C12orf54: variants seen among roughly 807,000 people sequenced by gnomAD.
C12orf54 encodes chromosome 12 open reading frame 54, also known as uncharacterized protein C12orf54.
C12orf54 carries 24 observed loss-of-function variants against 26.4 expected under a neutral mutation model. The ratio of observed to expected loss-of-function variants is 0.91; its 90% CI spans 0.66 to 1.28. The LOEUF (loss-of-function observed/expected upper bound fraction) is 1.28, where lower values mean the gene tolerates loss of function less well. Among genes scored for constraint, C12orf54 ranks in the 50% most tolerant of loss-of-function variants. The pLI is 0.00. For missense variants in C12orf54, 154 were observed against 150.9 expected (o/e 1.02, Z -0.11); for synonymous variants, 54 against 47.0 (o/e 1.15, Z -0.61).
At chr12:48,493,190 C>T (rs1291805705) in intron 7 of C12orf54, among the ~76,000 whole-genome samples, 195 bp downstream of exon 7, 3 of 152,222 alleles carry the variant, frequency 2.0e-5, no homozygotes, top group Non-Finnish European at 2.9e-5. Context: ...CCTCCATCCT[C>T]AGCCCCATTA....
At chr12:48,453,975 T>C in the C12orf54 span, among the ~76,000 whole-genome samples, 1 of 152,152 alleles carries the variant, frequency 6.6e-6, no homozygotes, top group African/African-American at 2.4e-5. Flanking sequence ...TCTGTAACTT[T>C]GGAGCATCAG....
At chr12:48,442,533 A>G in the C12orf54 span, 1 of 158,016 alleles carries the variant, frequency 6.3e-6, no homozygotes, top group Non-Finnish European at 1.4e-5. Flanking sequence ...AGCCCTGAAC[A>G]CAGCTGTCTG....
At chr12:48,461,730 T>C in the C12orf54 span, among the ~76,000 whole-genome samples, 2 of 151,770 alleles carry the variant, frequency 1.3e-5, no homozygotes, top group South Asian at 4.2e-4. Context: ...TGCAGCTAAG[T>C]CCCACAAATT....
chr12:48,473,156 G>C, the C12orf54 span: 1 of 1,552,000 alleles, frequency 6.4e-7, no homozygotes, highest in Non-Finnish European at 8.9e-7. Context: ...AGGGCTTTGT[G>C]GAGTGCCTGG....
At chr12:48,454,422 A>G in the C12orf54 span, among the ~76,000 whole-genome samples, 1 of 152,106 alleles carries the variant, frequency 6.6e-6, no homozygotes, top group Non-Finnish European at 1.5e-5. Context: ...AATTCGATTA[A>G]TCAGATTGGA....
At position 48,487,017 on chromosome 12, in the gene C12orf54, C is replaced by A. The variant is rs376972346; in HGVS notation, c.135+291C>A. On this transcript the variant is annotated intron_variant, in intron 4 of 8. Transcript: ENST00000548364. Reference sequence around the variant, plus strand: ...CCCAATTCTCAGTGATTGCTACAGACTTGAAAGCACAGGTTTGGCCTTTCA... The same window carrying A: ...CCCAATTCTCAGTGATTGCTACAGAATTGAAAGCACAGGTTTGGCCTTTCA... Among the ~76,000 whole-genome samples, 10 of 152,282 alleles carry A rather than the reference C, an allele frequency of 6.6e-5. No individual in the cohort carries two copies. The East Asian group carries it at 1.7e-3, about 26-fold the overall frequency.
At chr12:48,483,201 G>A (rs1828540147) in intron 1 of C12orf54, 39 bp from the exon 2 acceptor site, 2 of 1,069,474 alleles carry the variant, frequency 1.9e-6, no homozygotes, top group Middle Eastern at 2.4e-4. Context: ...TTCTCACCAT[G>A]TACCTGCCTT....
the C12orf54 span, among the ~76,000 whole-genome samples, chr12:48,474,754 C>T: frequency 1.2e-3 from 178 of 152,370 alleles, no homozygotes; most frequent in Non-Finnish European, 2.2e-3. Context: ...CCGGGAAGCA[C>T]GAACTGGGTG....
chr12:48,480,262 TAAG>T (rs2137081545), upstream of C12orf54, among the ~76,000 whole-genome samples: 1 of 152,224 alleles, frequency 6.6e-6, no homozygotes, highest in East Asian at 1.9e-4. Context: ...AAATTACTTT[TAAG>T]AAGTGTCTGT....
the C12orf54 span, among the ~76,000 whole-genome samples, chr12:48,446,934 TAAG>T: frequency 2.6e-5 from 4 of 152,200 alleles, no homozygotes; most frequent in African/African-American, 9.6e-5. Context: ...AAAAGATAGG[TAAG>T]AAGAAAATAA....
rs768571137 is a variant in C12orf54 at position 48,494,828 on chromosome 12, C to A, written c.273C>A (p.Thr91=). 5 of 1,613,744 alleles carry A rather than the reference C, an allele frequency of 3.1e-6. No homozygotes were observed. The African/African-American group carries it at 6.7e-5, about 22-fold the overall frequency. ...TAAGGCCTCCAGATTCCTTGATGAC[C>A]CCAAAGTTGAGAAGATTGCAGTTCA... ...GSIRPPDSLM[T]PKLRRLQFSS... The change falls in exon 8 of 9, where the codon ACC becomes ACA. Residue 91 remains threonine, a synonymous_variant. Transcript: ENST00000548364.
At chr12:48,467,796 T>C in the C12orf54 span, among the ~76,000 whole-genome samples, 1 of 152,164 alleles carries the variant, frequency 6.6e-6, no homozygotes, top group Non-Finnish European at 1.5e-5. Flanking sequence ...TTATTGCATG[T>C]CAATTATACC....
rs548898779 is a variant in C12orf54 at position 48,487,956 on chromosome 12, C to A, written c.136-968C>A. 21 of 713,074 alleles carry A rather than the reference C, an allele frequency of 2.9e-5. No homozygotes were observed. In the African/African-American group the frequency reaches 3.2e-4, roughly 11 times the overall value. The allele number at this position is 713,074 out of a possible 1,614,324, so 44.2% of individuals were successfully genotyped here. A position where few individuals can be genotyped will look rare whatever the true frequency, so the allele number is the denominator to read the frequency against. On this transcript the variant is annotated intron_variant, in intron 4 of 8. Coordinates refer to ENST00000548364, the MANE Select transcript of C12orf54 (RefSeq NM_152319.4). ...CCTATAGCCGCTGAGATGTTGATACCTAAGAAGAACTGGGTTGCCATTTAT... is the reference window on the plus strand; with the variant it reads ...CCTATAGCCGCTGAGATGTTGATACATAAGAAGAACTGGGTTGCCATTTAT...
chr12:48,454,073 T>C, the C12orf54 span, among the ~76,000 whole-genome samples: 1 of 148,178 alleles, frequency 6.7e-6, no homozygotes, highest in East Asian at 2.1e-4. Flanking sequence ...GACAGTTCTC[T>C]CTCTCTCTCT....
the C12orf54 span, chr12:48,472,592 G>A: frequency 3.1e-5 from 49 of 1,570,074 alleles, 1 homozygote; most frequent in African/African-American, 6.8e-5. Context: ...GCTTTCAAAT[G>A]TGCGGTTGTG....
the C12orf54 span, among the ~76,000 whole-genome samples, chr12:48,414,884 C>A: frequency 6.6e-6 from 1 of 152,168 alleles, no homozygotes; most frequent in Non-Finnish European, 1.5e-5. Flanking sequence ...TCACTATACA[C>A]CTGCATGCAC....
chr12:48,459,133 GC>G, the C12orf54 span, among the ~76,000 whole-genome samples: 6 of 152,246 alleles, frequency 3.9e-5, no homozygotes, highest in East Asian at 7.7e-4. Flanking sequence ...TTATGAAATT[GC>G]ACTTTCCTAG....
the C12orf54 span, among the ~76,000 whole-genome samples, chr12:48,460,188 T>C: frequency 2.7e-5 from 4 of 148,444 alleles, no homozygotes; most frequent in Non-Finnish European, 4.4e-5. Flanking sequence ...GTTTATTCTT[T>C]CCTGCCCAGG....
chr12:48,433,306 G>C, the C12orf54 span, among the ~76,000 whole-genome samples: 7 of 152,198 alleles, frequency 4.6e-5, no homozygotes, highest in Admixed American at 4.6e-4. Flanking sequence ...ACTGACCTTT[G>C]CATGATAGGC....
Sources: gnomAD v4.1 joint callset for allele counts (sites outside exome capture counted in the v4.1 genomes callset) on GRCh38, gnomAD v4.1.1 for gene constraint, MANE v1.5 for transcripts, NCBI Gene and HGNC (gene_info 2026-07-23, HGNC 2026-07-21) for gene names.